The following RGS12 variants were observed in gnomAD, a reference collection of about 807,000 sequenced individuals.
RGS12 encodes regulator of G protein signaling 12, also known as regulator of G-protein signaling 12.
RGS12 carries 66 observed loss-of-function variants against 120.1 expected under a neutral mutation model. The observed-to-expected ratio is 0.55, with a 90% CI of 0.45 to 0.67. The LOEUF is 0.67. RGS12 is among the 30% of genes least tolerant of loss of function. RGS12 has a pLI of 0.00. For synonymous variants in RGS12, 827 were observed against 804.7 expected, an observed-to-expected ratio of 1.03 and a Z score of -0.47; for missense variants, 1,859 against 1,957.7, an observed-to-expected ratio of 0.95 and a Z score of 0.95.
rs1007504164 is a variant in RGS12, at chr4:3,389,787, C to T, written c.2020+3350C>T. ...ACTGTGCGGCTCTGGCTTTGGGGGA[C>T]GGTGGCAGGTCCACATGACACCCCA... On this transcript the variant is annotated intron_variant, in intron 4 of 17. Transcript: ENST00000336727. This position sits in a 1 kb window ranked among gnomAD's most constrained non-coding sequence, Gnocchi z 5.2. 7.2e-5 allele frequency among the ~76,000 whole-genome samples: 11 copies of T among 152,180 alleles called. No individual in the cohort carries two copies. In the East Asian group the frequency reaches 7.7e-4, roughly 11 times the overall value.
chr4:3,288,279 G>A (rs143957250), upstream of RGS12, among the ~76,000 whole-genome samples: 691 of 152,236 alleles, frequency 4.5e-3, 2 homozygotes, highest in Non-Finnish European at 7.3e-3. The surrounding 1 kb of genome is among the most constrained non-coding windows in gnomAD (Gnocchi z 5.2). Context: ...ACACAGAGCT[G>A]GGCCCTGACA....
At chr4:3,403,854 G>T (rs958582369) in intron 4 of RGS12, among the ~76,000 whole-genome samples, 1 of 152,226 alleles carries the variant, frequency 6.6e-6, no homozygotes, top group East Asian at 1.9e-4. Context: ...GATAACTGGG[G>T]AATGAAATAG....
intron 16 of RGS12, among the ~76,000 whole-genome samples, chr4:3,428,981 G>T (rs561057690): frequency 6.6e-6 from 1 of 152,314 alleles, no homozygotes; most frequent in South Asian, 2.1e-4. Flanking sequence ...AGAGGCCCCC[G>T]CAGGCTCTGC....
At chr4:3,307,176 C>T (rs1724019951) in intron 1 of RGS12, among the ~76,000 whole-genome samples, 1 of 152,230 alleles carries the variant, frequency 6.6e-6, no homozygotes, top group African/African-American at 2.4e-5. Flanking sequence ...CTTTTCTGGT[C>T]CTAGGATACG....
chr4:3,402,074 G>A (rs1560149146), intron 4 of RGS12, among the ~76,000 whole-genome samples: 1 of 152,246 alleles, frequency 6.6e-6, no homozygotes, highest in Non-Finnish European at 1.5e-5. Context: ...CAGTGGACAT[G>A]GGACCAGCAT....
At chr4:3,425,127 A>G (rs1438988836) in intron 13 of RGS12, among the ~76,000 whole-genome samples, 1 of 152,228 alleles carries the variant, frequency 6.6e-6, no homozygotes, top group Non-Finnish European at 1.5e-5. Context: ...ACAAAGGGGA[A>G]CATCTGCTCT....
chr4:3,335,422 C>T (rs750828150), intron 2 of RGS12, among the ~76,000 whole-genome samples: 2 of 152,194 alleles, frequency 1.3e-5, no homozygotes, highest in Non-Finnish European at 2.9e-5. Context: ...GCCGGTTACT[C>T]AGCTTACTGC....
chr4:3,327,795 A>G (rs1375246445), intron 2 of RGS12, among the ~76,000 whole-genome samples: 1 of 152,240 alleles, frequency 6.6e-6, no homozygotes, highest in African/African-American at 2.4e-5. Context: ...TGGGAAGGTA[A>G]ATTAGTACAA....
chr4:3,318,715 G>C (rs1015547610), intron 2 of RGS12, among the ~76,000 whole-genome samples: 9 of 152,228 alleles, frequency 5.9e-5, no homozygotes, highest in African/African-American at 1.9e-4. Flanking sequence ...GAGCAAAGCT[G>C]GGAACCCTCT....
At chr4:3,303,172 G>A (rs1451783631) in intron 1 of RGS12, among the ~76,000 whole-genome samples, 3 of 152,240 alleles carry the variant, frequency 2.0e-5, no homozygotes, top group African/African-American at 7.2e-5. Context: ...AGTGGGACAG[G>A]TGCTTGGGCA....
Position 3,315,250 on chromosome 4 carries a change from G to A in RGS12, c.-101-820G>A, listed in dbSNP as rs539175170. 3.3e-5 allele frequency among the ~76,000 whole-genome samples: 5 copies of A among 152,318 alleles called. No individual in the cohort carries two copies. In the East Asian group the frequency reaches 7.7e-4, roughly 23 times the overall value. ...AATCCTTTCGCTGTAATGAATCTCA[G>A]CTGTGAGAGCACCTTTGTGCCAAGT... On this transcript the variant is annotated intron_variant, in intron 1 of 17. Coordinates refer to ENST00000336727, the MANE Select transcript of RGS12 (RefSeq NM_001394154.1).
chr4:3,334,666 T>A, intron 2 of RGS12, among the ~76,000 whole-genome samples: 1 of 152,230 alleles, frequency 6.6e-6, no homozygotes, highest in Non-Finnish European at 1.5e-5. Flanking sequence ...CAATAACTTT[T>A]TATTTAAAAA....
intron 3 of RGS12, among the ~76,000 whole-genome samples, chr4:3,355,743 T>G (rs1714817817): frequency 7.2e-6 from 1 of 138,964 alleles, no homozygotes; most frequent in African/African-American, 2.7e-5. Flanking sequence ...TGCAGTAAGC[T>G]GCGTTTGTGC....
In RGS12 at chr4:3,366,303, G is replaced by A. The variant is rs1406495642; in HGVS notation, c.1999-20113G>A. 2.0e-5 allele frequency among the ~76,000 whole-genome samples: 3 copies of A among 152,154 alleles called. No homozygotes were observed. The highest frequency in any genetic ancestry group is 7.2e-5 in the African/African-American group (3 of 41,416). On this transcript the variant is annotated intron_variant, in intron 3 of 17. Coordinates refer to ENST00000336727, the MANE Select transcript of RGS12 (RefSeq NM_001394154.1). The surrounding 1 kb of genome is among the most constrained non-coding windows in gnomAD (Gnocchi z 4.0). ...GTCAGGGGTGGAGGGCAGGAGGATG[G>A]GAGAGCCCAGCTGGGGGAGATTTGA... is the stretch of plus-strand genomic sequence containing the variant.
intron 3 of RGS12, chr4:3,343,278 G>T (rs553294409): frequency 8.2e-6 from 4 of 485,830 alleles, no homozygotes; most frequent in African/African-American, 3.9e-5. Flanking sequence ...GTGCTCTTCT[G>T]TGTGCCAGAC....
At position 3,317,068 on chromosome 4, in the gene RGS12, G is replaced by T; in HGVS notation, c.898G>T (p.Ala300Ser). The change falls in exon 2 of 18, where the codon GCC (alanine) becomes TCC (serine). Residue 300 changes from alanine to serine, a missense_variant. Transcript: ENST00000336727. Reference protein sequence around the residue: ...VVAEYPAEKLAFSAVCPDDRR... With the variant: ...VVAEYPAEKLSFSAVCPDDRR... ...GGCCGAGTACCCGGCCGAGAAGCTG[G>T]CCTTCAGCGCCGTGTGCCCGGACGA... is the stretch of plus-strand genomic sequence containing the variant. The T allele has an allele frequency of 6.2e-7, 1 of 1,613,722 alleles. No homozygotes were observed. Among genetic ancestry groups the T allele is most frequent in the East Asian group, 2.2e-5 (1 of 44,890 alleles).
At chr4:3,291,049 G>A (rs868464722), upstream of RGS12, among the ~76,000 whole-genome samples, 1 of 152,180 alleles carries the variant, frequency 6.6e-6, no homozygotes, top group African/African-American at 2.4e-5. Flanking sequence ...CACAGGCTCG[G>A]TGACCCCTCG....
intron 4 of RGS12, 114 bp from the exon 5 acceptor site, chr4:3,413,958 G>A (rs998866706): frequency 9.1e-7 from 1 of 1,095,570 alleles, no homozygotes; most frequent in Non-Finnish European, 1.3e-6. Context: ...CTGAATGGGT[G>A]TTGGAGGGGA....
intron 3 of RGS12, 144 bp from the exon 4 acceptor site, chr4:3,386,272 G>C (rs955656075): frequency 1.3e-6 from 1 of 762,662 alleles, no homozygotes; most frequent in Non-Finnish European, 2.3e-6. Context: ...TGGGCCGTCT[G>C]GCTTTCCCGG....
Sources: allele counts gnomAD v4.1 joint callset (sites outside exome capture counted in the v4.1 genomes callset), GRCh38; gene constraint gnomAD v4.1.1; non-coding constraint Gnocchi (gnomAD v3.1); transcripts MANE v1.5; gene names NCBI Gene and HGNC (gene_info 2026-07-23, HGNC 2026-07-21).